KL: variants seen among roughly 807,000 people sequenced by gnomAD.
KL encodes the protein klotho, also known as alpha-klotho.
Under a neutral mutation model 84.2 loss-of-function variants are expected in KL, and 62 were observed. The observed-to-expected ratio is 0.74, with a 90% CI of 0.60 to 0.91. KL has a LOEUF of 0.91. Ranked by LOEUF, KL falls within the 40% of genes least tolerant of loss-of-function variation. The pLI, the probability that KL is intolerant of heterozygous loss-of-function variation, is 0.00. For synonymous variants in KL, 528 were observed against 528.0 expected (o/e 1.00, Z 0.00); for missense variants, 1,261 against 1,305.7 (o/e 0.97, Z 0.53).
intron 1 of KL, among the ~76,000 whole-genome samples, chr13:33,020,425 T>C (rs1870534061): frequency 6.6e-6 from 1 of 152,138 alleles, no homozygotes; most frequent in South Asian, 2.1e-4. Context: ...GCCATTGCTT[T>C]GAATACTGCT....
intron 3 of KL, among the ~76,000 whole-genome samples, chr13:33,058,338 T>C (rs1265330661): frequency 2.9e-5 from 4 of 138,204 alleles, no homozygotes; most frequent in African/African-American, 5.1e-5. Flanking sequence ...CTGTATTTTC[T>C]TTTTTTTTTT....
chr13:33,054,070 T>G lies in KL; in HGVS notation c.1123T>G (p.Leu375Val). ...TTTTGCTCTTTGCTTTGGACCCACCTTGAGTTTTCAACTTTTGGACCCTCA... is the reference window on the plus strand; with the variant it reads ...TTTTGCTCTTTGCTTTGGACCCACCGTGAGTTTTCAACTTTTGGACCCTCA... Reference protein sequence around the residue: ...DFFALCFGPTLSFQLLDPHMK... With the variant: ...DFFALCFGPTVSFQLLDPHMK... Residue 375 changes from leucine to valine, a missense_variant, in exon 2 of 5, where the codon TTG becomes GTG. Leu to Val is a conservative substitution (Grantham distance 32). Coordinates refer to ENST00000380099, the MANE Select transcript of KL (RefSeq NM_004795.4). 6.2e-7 allele frequency: 1 copy of G among 1,613,954 alleles called. No individual in the cohort carries two copies. The highest frequency in any genetic ancestry group is 1.3e-5 in the African/African-American group (1 of 75,016).
chr13:33,062,989 C>T (rs1392823014), intron 4 of KL, among the ~76,000 whole-genome samples: 1 of 151,884 alleles, frequency 6.6e-6, no homozygotes, highest in Non-Finnish European at 1.5e-5. Context: ...GACACATGCA[C>T]AGAAAATGGT....
chr13:33,024,567 C>T (rs1870690805), intron 1 of KL, among the ~76,000 whole-genome samples: 1 of 152,172 alleles, frequency 6.6e-6, no homozygotes. Context: ...ATTTGTAGGG[C>T]TCTTTTCGTG....
chr13:33,039,292 A>G (rs1295569337), intron 1 of KL, among the ~76,000 whole-genome samples: 2 of 152,174 alleles, frequency 1.3e-5, no homozygotes, highest in Admixed American at 6.5e-5. Context: ...ACTAATCCCT[A>G]TTGTTAGCCC....
intron 1 of KL, among the ~76,000 whole-genome samples, chr13:33,052,111 C>T (rs1022247065): frequency 6.6e-6 from 1 of 152,152 alleles, no homozygotes; most frequent in African/African-American, 2.4e-5. Flanking sequence ...CACACAGCAC[C>T]ATGACTGGTT....
intron 1 of KL, among the ~76,000 whole-genome samples, chr13:33,047,351 A>T (rs889721522): frequency 3.6e-4 from 40 of 110,534 alleles, no homozygotes; most frequent in African/African-American, 1.1e-3. Context: ...TCTAAAATCT[A>T]CTTTCTTTTT....
intron 1 of KL, among the ~76,000 whole-genome samples, chr13:33,051,052 T>C (rs1871728482): frequency 6.6e-6 from 1 of 152,238 alleles, no homozygotes. Context: ...TTCCTCCACC[T>C]GCAATATTCT....
Position 33,058,231 on chromosome 13 carries a change from G to T in KL, c.1600-2448G>T, listed in dbSNP as rs187178136. ...ATACTAAATACATGTTTTAATAGCCGTTCCTTCTGAAAGGTCCAACTTCAC... is the reference window on the plus strand; with the variant it reads ...ATACTAAATACATGTTTTAATAGCCTTTCCTTCTGAAAGGTCCAACTTCAC... On this transcript the variant is annotated intron_variant, in intron 3 of 4. Transcript: ENST00000380099. Among the ~76,000 whole-genome samples the T allele has an allele frequency of 1.5e-4, 23 of 151,906 alleles. No homozygotes were observed. In the East Asian group the frequency reaches 3.7e-3, roughly 24 times the overall value.
In KL at chr13:33,061,033, G is replaced by A; in HGVS notation, c.1954G>A (p.Ala652Thr). ...GAACCAAGGACTGCCGCGCCTCCTG[G>A]CCAGGCAGGGCGCCTGGGAGAACCC... ...APNQGLPRLL[A>T]RQGAWENPYT... Residue 652 changes from alanine (A) to threonine (T), a missense_variant, in exon 4 of 5, where the codon GCC becomes ACC. Ala to Thr is a moderately conservative substitution (Grantham distance 58). Transcript: ENST00000380099. 6.2e-7 allele frequency: 1 copy of A among 1,611,990 alleles called. No individual in the cohort carries two copies. The highest frequency in any genetic ancestry group is 8.5e-7 in the Non-Finnish European group (1 of 1,178,416).
In KL at chr13:33,065,281, A is replaced by G; in HGVS notation, c.*1095A>G. On this transcript the variant is annotated 3_prime_UTR_variant, in exon 5 of 5. Coordinates refer to ENST00000380099, the MANE Select transcript of KL (RefSeq NM_004795.4). ...TTTGTTTCTGTGATCTCTGAGGTCT[A>G]TTTTATGTTTTTGCTGCTACTTCTG... 4.7e-6 allele frequency: 1 copy of G among 214,566 alleles called. No homozygotes were observed. The highest frequency in any genetic ancestry group is 9.4e-6 in the Non-Finnish European group (1 of 106,096). The allele number at this position is 214,566 out of a possible 1,614,324, so 13.3% of individuals were successfully genotyped here. A position where few individuals can be genotyped will look rare whatever the true frequency, so the allele number is the denominator to read the frequency against.
At chr13:33,049,095 T>A (rs1338262948) in intron 1 of KL, among the ~76,000 whole-genome samples, 1 of 152,226 alleles carries the variant, frequency 6.6e-6, no homozygotes, top group Admixed American at 6.5e-5. Context: ...AAGTGGATCA[T>A]TAGCACATTA....
chr13:33,043,978 A>T (rs1289271059), intron 1 of KL, among the ~76,000 whole-genome samples: 1 of 152,210 alleles, frequency 6.6e-6, no homozygotes, highest in African/African-American at 2.4e-5. Flanking sequence ...TAAGTTTTAT[A>T]GTTTTAGCTT....
intron 1 of KL, among the ~76,000 whole-genome samples, chr13:33,039,285 A>G (rs1226946042): frequency 6.6e-6 from 1 of 152,216 alleles, no homozygotes; most frequent in East Asian, 1.9e-4. Context: ...TATTTTAACT[A>G]ATCCCTATTG....
At chr13:33,045,843 T>G (rs1161462488) in intron 1 of KL, among the ~76,000 whole-genome samples, 1 of 152,338 alleles carries the variant, frequency 6.6e-6, no homozygotes, top group East Asian at 1.9e-4. Flanking sequence ...TGAGTGTTTT[T>G]ATTATGAAAG....
intron 1 of KL, among the ~76,000 whole-genome samples, chr13:33,022,003 A>G (rs1870593156): frequency 6.6e-6 from 1 of 152,236 alleles, no homozygotes; most frequent in Non-Finnish European, 1.5e-5. Flanking sequence ...ATATCTCCCA[A>G]ACAGCTTGAA....
chr13:33,036,809 A>G (rs1282872518), intron 1 of KL, among the ~76,000 whole-genome samples: 5 of 152,210 alleles, frequency 3.3e-5, no homozygotes, highest in African/African-American at 1.2e-4. Context: ...AAAAATTAAA[A>G]GAGTAAATTT....
intron 1 of KL, among the ~76,000 whole-genome samples, chr13:33,033,247 T>G (rs1871037223): frequency 6.6e-6 from 1 of 152,248 alleles, no homozygotes; most frequent in Non-Finnish European, 1.5e-5. Context: ...CTGTGTTTAC[T>G]GCTACTCAGT....
At chr13:33,043,848 G>C (rs148515782) in intron 1 of KL, among the ~76,000 whole-genome samples, 2,163 of 152,164 alleles carry the variant, frequency 0.014, 42 homozygotes, top group African/African-American at 0.043. Context: ...AAATGTAAAG[G>C]CAAATCACAT....
Sources: gnomAD v4.1 joint callset for allele counts (sites outside exome capture counted in the v4.1 genomes callset) on GRCh38, gnomAD v4.1.1 for gene constraint, MANE v1.5 for transcripts, NCBI Gene and HGNC (gene_info 2026-07-23, HGNC 2026-07-21) for gene names.